Variants in ZNF724 observed in about 807,000 individuals in gnomAD.
ZNF724 encodes the protein zinc finger protein 724, also known as zinc finger protein 724 pseudogene.
In ZNF724, 14 loss-of-function variants were observed where a neutral mutation model predicts 29.3. That is an observed-to-expected ratio of 0.48 (90% CI 0.32 to 0.75). ZNF724 has a LOEUF of 0.75. ZNF724 is among the 30% of genes least tolerant of loss of function. ZNF724 has a pLI of 0.04. For missense variants in ZNF724, 557 were observed against 571.2 expected, an observed-to-expected ratio of 0.98 and a Z score of 0.25; for synonymous variants, 180 against 193.6, an observed-to-expected ratio of 0.93 and a Z score of 0.58.
chr19:23,240,717 T>C (rs1306635420), intron 1 of ZNF724, among the ~76,000 whole-genome samples: 1 of 108,708 alleles, frequency 9.2e-6, no homozygotes, highest in Non-Finnish European at 1.8e-5. Context: ...GGATTCCACC[T>C]AAAAAAAAAA....
intron 3 of ZNF724, among the ~76,000 whole-genome samples, chr19:23,227,992 G>C (rs994764482): frequency 6.6e-6 from 1 of 152,038 alleles, no homozygotes; most frequent in Non-Finnish European, 1.5e-5. Context: ...AATTTGTCAG[G>C]AATTCCTGAC....
intron 1 of ZNF724, among the ~76,000 whole-genome samples, chr19:23,246,917 C>G (rs1972247258): frequency 6.6e-6 from 1 of 152,038 alleles, no homozygotes; most frequent in Non-Finnish European, 1.5e-5. Flanking sequence ...TGAAAACACT[C>G]AGGCAAAAAA....
At position 23,232,230 on chromosome 19, in the gene ZNF724, T is replaced by C. The variant is rs1971948297; in HGVS notation, c.67A>G (p.Thr23Ala). The change falls in exon 2 of 4, where the codon ACT (threonine) becomes GCT (alanine). Residue 23 changes from threonine to alanine, a missense_variant. Around this residue, in one of 3 missense-constraint regions of ZNF724, gnomAD observed 25 missense variants for 54.9 expected, o/e 0.46. Coordinates refer to ENST00000418100, the MANE Select transcript of ZNF724 (RefSeq NM_001355404.2). The stretch of plus-strand genomic sequence containing the variant: ...TTCCTATATAAATTCTGCTGTGCAG[T>C]GTCCAGGCATTGCCACTCCTCCACA... ...FSVEEWQCLD[T>A]AQQNLYRNVM... 1 of 1,327,718 alleles carries C rather than the reference T, an allele frequency of 7.5e-7. No individual in the cohort carries two copies. 82.2% of individuals were successfully genotyped at this position (1,327,718 alleles called of 1,614,324 possible). A position where few individuals can be genotyped will look rare whatever the true frequency, so the allele number is the denominator to read the frequency against.
Position 23,234,455 on chromosome 19 carries a change from AT to A in ZNF724, c.4-2163del, listed in dbSNP as rs201820214. On this transcript the variant is annotated intron_variant, in intron 1 of 3. Coordinates refer to ENST00000418100, the MANE Select transcript of ZNF724 (RefSeq NM_001355404.2). ...CCATTTAGCTAAGCATTGCCTTGCA[AT>A]TTTTTTTTTTTTTAGACGGTGTTTT... Among the ~76,000 whole-genome samples the A allele has an allele frequency of 5.1e-3, 749 of 145,930 alleles. 1 individual carries two copies. Among genetic ancestry groups the A allele is most frequent in the African/African-American group, 0.012 (474 of 40,188 alleles).
intron 3 of ZNF724, among the ~76,000 whole-genome samples, chr19:23,227,062 G>T (rs1270806428): frequency 1.3e-5 from 2 of 152,082 alleles, no homozygotes; most frequent in Non-Finnish European, 2.9e-5. Context: ...GACTGTAACT[G>T]TGTACTCATG....
intron 1 of ZNF724, among the ~76,000 whole-genome samples, chr19:23,240,656 G>C (rs1413901564): frequency 6.7e-6 from 1 of 149,818 alleles, no homozygotes; most frequent in Non-Finnish European, 1.5e-5. Context: ...GAAGGCGAAG[G>C]TTGCGGTAAT....
chr19:23,226,961 GCAAAATAATAAGGGAAA>G, intron 3 of ZNF724, among the ~76,000 whole-genome samples: 1 of 148,412 alleles, frequency 6.7e-6, no homozygotes, highest in South Asian at 2.2e-4. Flanking sequence ...ATAAAGAACT[GCAAAATAATAAGGGAAA>G]TGTTTACTCA....
chr19:23,245,583 A>C (rs1972221275), intron 1 of ZNF724, among the ~76,000 whole-genome samples: 1 of 152,038 alleles, frequency 6.6e-6, no homozygotes, highest in Non-Finnish European at 1.5e-5. Context: ...ACTGCACTCC[A>C]GACCTGGGCA....
At chr19:23,245,748 A>G (rs1298802193) in intron 1 of ZNF724, among the ~76,000 whole-genome samples, 2 of 151,974 alleles carry the variant, frequency 1.3e-5, no homozygotes, top group African/African-American at 2.4e-5. Flanking sequence ...AACCTTTGAG[A>G]TCCTTAAAGA....
In ZNF724 at chr19:23,250,319, C is replaced by G. The variant is rs1007048064; in HGVS notation, c.-77G>C. The G allele has an allele frequency of 2.1e-5, 12 of 560,948 alleles. No homozygotes were observed. The highest frequency in any genetic ancestry group is 3.8e-5 in the African/African-American group (2 of 52,248). 34.7% of individuals were successfully genotyped at this position (560,948 alleles called of 1,614,324 possible). On this transcript the variant is annotated 5_prime_UTR_variant, in exon 1 of 4. Coordinates refer to ENST00000418100, the MANE Select transcript of ZNF724 (RefSeq NM_001355404.2). ...CTTGCAGGTCAGAGGGCCACAGAGG[C>G]TGGGCCTCTAAGAGCAGGGGACACA...
chr19:23,233,519 A>G (rs560802263), intron 1 of ZNF724, among the ~76,000 whole-genome samples: 1 of 152,318 alleles, frequency 6.6e-6, no homozygotes, highest in East Asian at 1.9e-4. Flanking sequence ...TAAGTTCAAC[A>G]GCCACAAAAA....
chr19:23,243,055 A>AAAAG (rs1411828212), intron 1 of ZNF724, among the ~76,000 whole-genome samples: 71 of 37,136 alleles, frequency 1.9e-3, no homozygotes, highest in African/African-American at 3.3e-3. Context: ...AAAAAAAAAA[A>AAAAG]AAAGAAAGAA....
Position 23,223,100 on chromosome 19 carries a change from G to A in ZNF724, c.1145C>T (p.Thr382Ile), listed in dbSNP as rs1179074102. Residue 382 changes from threonine (T) to isoleucine (I), a missense_variant, in exon 4 of 4, where the codon ACT (threonine) becomes ATT (isoleucine). By Grantham distance (89) the Thr-to-Ile change is moderately conservative (BLOSUM62 -1). This residue lies in a region of ZNF724 where 362 missense variants were observed against 295.5 expected (regional missense o/e 1.22). Transcript: ENST00000418100. ...GKAFNVSSTL[T>I]QHKRIHTGEK... ...TCCAGTATGAATTCTCTTATGTTGA[G>A]TAAGAGTTGAGGACACGTTAAAGGC... is the stretch of plus-strand genomic sequence containing the variant. The A allele has an allele frequency of 1.6e-6, 2 of 1,252,704 alleles. No homozygotes were observed. Among genetic ancestry groups the A allele is most frequent in the African/African-American group, 2.9e-5 (2 of 68,154 alleles). 77.6% of individuals were successfully genotyped at this position (1,252,704 alleles called of 1,614,324 possible).
chr19:23,233,559 TAATG>T (rs1426943815), intron 1 of ZNF724, among the ~76,000 whole-genome samples: 2 of 152,128 alleles, frequency 1.3e-5, no homozygotes, highest in Non-Finnish European at 2.9e-5. Flanking sequence ...GATCATAAAT[TAATG>T]GTGATAATTT....
chr19:23,233,958 A>C (rs1971982971), intron 1 of ZNF724, among the ~76,000 whole-genome samples: 2 of 151,686 alleles, frequency 1.3e-5, no homozygotes, highest in African/African-American at 2.4e-5. Flanking sequence ...CCCTCAGAAA[A>C]AGTCCACCCA....
Position 23,222,034 on chromosome 19 carries a change from A to G in ZNF724, c.*351T>C, listed in dbSNP as rs1971724485. On this transcript the variant is annotated 3_prime_UTR_variant, in exon 4 of 4. Transcript: ENST00000418100. The stretch of plus-strand genomic sequence containing the variant: ...TTGAATAAGATGTGAACAGATATTA[A>G]TGGCTTCTTCACATTCTTTACATTT... The G allele has an allele frequency of 4.4e-6, 1 of 227,246 alleles. No individual in the cohort carries two copies. Among genetic ancestry groups the G allele is most frequent in the Non-Finnish European group, 8.6e-6 (1 of 116,120 alleles). 14.1% of individuals were successfully genotyped at this position (227,246 alleles called of 1,614,324 possible). A position where few individuals can be genotyped will look rare whatever the true frequency, so the allele number is the denominator to read the frequency against.
rs1360065115 is a variant in ZNF724 at position 23,237,901 on chromosome 19, C to T, written c.4-5608G>A. Among the ~76,000 whole-genome samples, 5 of 152,216 alleles carry T rather than the reference C, an allele frequency of 3.3e-5. No homozygotes were observed. The South Asian group carries it at 1.0e-3, about 32-fold the overall frequency. ...TTTGCAGTGTAAGTACTTCAGCCTG[C>T]AAATATTGGATAATTACACTGGATA... On this transcript the variant is annotated intron_variant, in intron 1 of 3. Coordinates refer to ENST00000418100, the MANE Select transcript of ZNF724 (RefSeq NM_001355404.2).
chr19:23,234,978 G>A (rs542064989), intron 1 of ZNF724, among the ~76,000 whole-genome samples: 3 of 152,132 alleles, frequency 2.0e-5, no homozygotes, highest in East Asian at 1.9e-4. Flanking sequence ...AAATACTTCC[G>A]GCACAAATGA....
Position 23,222,497 on chromosome 19 carries a change from A to G in ZNF724, c.1748T>C (p.Ile583Thr). Residue 583 changes from isoleucine to threonine, a missense_variant, in exon 4 of 4, where the codon ATT (isoleucine) becomes ACT (threonine). Coordinates refer to ENST00000418100, the MANE Select transcript of ZNF724 (RefSeq NM_001355404.2). ...TTTGTAGGGTTTCTCTCCAGTATGA[A>G]TTACCTTATGTTTAGTCAGAGTTGA... ...WSSTLTKHKV[I>T]HTGEKPYKCK... 7.6e-7 allele frequency: 1 copy of G among 1,313,960 alleles called. No individual in the cohort carries two copies. Among genetic ancestry groups the G allele is most frequent in the Non-Finnish European group, 1.1e-6 (1 of 908,134 alleles). 81.4% of individuals were successfully genotyped at this position (1,313,960 alleles called of 1,614,324 possible).
Sources: gnomAD v4.1 joint callset for allele counts (sites outside exome capture counted in the v4.1 genomes callset) on GRCh38, gnomAD v4.1.1 for gene constraint, gnomAD v4.1.1 regional missense constraint, MANE v1.5 for transcripts, NCBI Gene and HGNC (gene_info 2026-07-23, HGNC 2026-07-21) for gene names.